Variants in HDAC9 observed in about 807,000 individuals in gnomAD.
HDAC9 encodes the protein MEF-2 interacting transcription repressor (MITR) protein.
In HDAC9, 41 loss-of-function variants were observed where a neutral mutation model predicts 139.4. The ratio of observed to expected loss-of-function variants is 0.29; its 90% CI spans 0.23 to 0.38. HDAC9 has a LOEUF of 0.38. Ranked by LOEUF, HDAC9 falls within the 10% of genes least tolerant of loss-of-function variation. HDAC9 has a pLI of 1.00. For missense variants in HDAC9, 1,147 were observed against 1,297.0 expected, an observed-to-expected ratio of 0.88 and a Z score of 1.78; for synonymous variants, 517 against 476.2, an observed-to-expected ratio of 1.09 and a Z score of -1.12.
intron 22 of HDAC9, among the ~76,000 whole-genome samples, chr7:18,887,737 ATTATT>A (rs1337222470): frequency 6.6e-6 from 1 of 152,184 alleles, no homozygotes; most frequent in Non-Finnish European, 1.5e-5. Context: ...GTTTAACATA[ATTATT>A]TTATATTTCT....
chr7:18,128,340 G>C (rs1784801016), intron 1 of HDAC9, among the ~76,000 whole-genome samples: 1 of 152,032 alleles, frequency 6.6e-6, no homozygotes, highest in Non-Finnish European at 1.5e-5. Flanking sequence ...GCTGCAATAA[G>C]AATGATAGTT....
intron 2 of HDAC9, among the ~76,000 whole-genome samples, chr7:18,166,552 A>AT (rs1379831146): frequency 6.6e-6 from 1 of 152,124 alleles, no homozygotes; most frequent in Non-Finnish European, 1.5e-5. Context: ...TGAAATATAA[A>AT]TTGTTATGGA....
At chr7:18,868,598 G>A (rs1235475487) in intron 21 of HDAC9, among the ~76,000 whole-genome samples, 2 of 152,050 alleles carry the variant, frequency 1.3e-5, no homozygotes, top group African/African-American at 4.8e-5. Context: ...TTTTTCTACA[G>A]TTCCTGGCTC....
intron 8 of HDAC9, among the ~76,000 whole-genome samples, chr7:18,636,633 G>A (rs1343256843): frequency 6.6e-6 from 1 of 151,980 alleles, no homozygotes; most frequent in Non-Finnish European, 1.5e-5. Context: ...ATGGTCTTCA[G>A]GTCCCGCATC....
chr7:18,359,541 A>G (rs1783605041), intron 1 of HDAC9, among the ~76,000 whole-genome samples: 1 of 152,164 alleles, frequency 6.6e-6, no homozygotes, highest in Admixed American at 6.5e-5. Flanking sequence ...CAAATAGTAC[A>G]ATGAACTTGC....
At chr7:18,786,454 T>TTTCC (rs56987209) in intron 16 of HDAC9, among the ~76,000 whole-genome samples, 14,954 of 51,952 alleles carry the variant, frequency 0.29, 1,574 homozygotes, top group South Asian at 0.37. Flanking sequence ...CCCATCGCCC[T>TTTCC]TTCCTTCCTT....
At chr7:18,364,387 T>C (rs1429258300) in intron 1 of HDAC9, among the ~76,000 whole-genome samples, 2 of 152,094 alleles carry the variant, frequency 1.3e-5, no homozygotes, top group South Asian at 4.2e-4. Flanking sequence ...ATTACTTGTA[T>C]TAACATTAGA....
At chr7:18,490,294 A>C in intron 1 of HDAC9, among the ~76,000 whole-genome samples, 1 of 152,014 alleles carries the variant, frequency 6.6e-6, no homozygotes, top group East Asian at 1.9e-4. Flanking sequence ...AATAAATTGC[A>C]CTTCTAGCAA....
chr7:18,791,287 T>G (rs959172217), intron 16 of HDAC9, among the ~76,000 whole-genome samples: 4 of 152,242 alleles, frequency 2.6e-5, no homozygotes, highest in African/African-American at 9.6e-5. Context: ...ATACATCTTT[T>G]GGAATTTATT....
chr7:18,813,878 T>C (rs1384773878), intron 17 of HDAC9, among the ~76,000 whole-genome samples: 1 of 152,232 alleles, frequency 6.6e-6, no homozygotes, highest in East Asian at 1.9e-4. Context: ...ACCTGTCAGC[T>C]AGTTGTCTGG....
chr7:18,233,923 T>G (rs986652761), intron 2 of HDAC9, among the ~76,000 whole-genome samples: 10 of 152,170 alleles, frequency 6.6e-5, no homozygotes, highest in African/African-American at 2.4e-4. Context: ...ACCAAGTTTT[T>G]TTTTTTCTTA....
rs555386420 is a variant in HDAC9, at chr7:18,230,769, A to G, written c.25+68420A>G. Among the ~76,000 whole-genome samples the G allele has an allele frequency of 4.6e-5, 7 of 152,342 alleles. No individual in the cohort carries two copies. The South Asian group carries it at 1.4e-3, about 32-fold the overall frequency. On this transcript the variant is annotated intron_variant, in intron 2 of 12. Transcript: ENST00000417496. Reference sequence around the variant, plus strand: ...CAAAACTCTTAAAAGTAGTTTTAAAAGTTGATTTTAAAAGCCTATCATCAA... The same window carrying G: ...CAAAACTCTTAAAAGTAGTTTTAAAGGTTGATTTTAAAAGCCTATCATCAA...
At chr7:18,937,378 A>AATT (rs1767611527) in intron 23 of HDAC9, among the ~76,000 whole-genome samples, 1 of 152,056 alleles carries the variant, frequency 6.6e-6, no homozygotes, top group South Asian at 2.1e-4. Context: ...CAAAGGATGT[A>AATT]ATTATCTAAT....
chr7:18,565,077 A>T (rs1821864465), intron 2 of HDAC9, among the ~76,000 whole-genome samples: 1 of 151,794 alleles, frequency 6.6e-6, no homozygotes, highest in Non-Finnish European at 1.5e-5. Context: ...GCTCACCGCA[A>T]CCTCTGCCTC....
At chr7:18,343,101 A>C (rs1362934106) in intron 1 of HDAC9, among the ~76,000 whole-genome samples, 1 of 151,766 alleles carries the variant, frequency 6.6e-6, no homozygotes, top group African/African-American at 2.4e-5. Flanking sequence ...CTCCTGTATA[A>C]AATCTCCTGT....
At chr7:18,470,026 G>A (rs2128118845) in intron 1 of HDAC9, among the ~76,000 whole-genome samples, 1 of 152,168 alleles carries the variant, frequency 6.6e-6, no homozygotes, top group Middle Eastern at 3.4e-3. Context: ...TCTAAGACAA[G>A]TATATATATT....
In HDAC9 at chr7:18,417,339, T is replaced by C. The variant is rs185471657; in HGVS notation, c.-41-78923T>C. ...TTTAAACATGTAATTACAGTTTCAA[T>C]AACTGTCTTAATATCTTTGTCTGCT... On this transcript the variant is annotated intron_variant, in intron 1 of 3. Transcript: ENST00000413509. 1.0e-3 allele frequency among the ~76,000 whole-genome samples: 153 copies of C among 152,350 alleles called. 1 individual carries two copies. Among genetic ancestry groups the C allele is most frequent in the African/African-American group, 3.5e-3 (145 of 41,588 alleles).
chr7:18,512,129 AAG>A (rs1801725050), intron 2 of HDAC9, among the ~76,000 whole-genome samples: 1 of 152,168 alleles, frequency 6.6e-6, no homozygotes, highest in African/African-American at 2.4e-5. Context: ...AGAGGGAAGT[AAG>A]TATTGTTGAC....
chr7:18,710,953 T>A (rs975735296), intron 12 of HDAC9, among the ~76,000 whole-genome samples: 1 of 152,210 alleles, frequency 6.6e-6, no homozygotes, highest in Non-Finnish European at 1.5e-5. Flanking sequence ...ACATTTCAAA[T>A]TTGCATACAA....
Sources: allele counts gnomAD v4.1 joint callset (sites outside exome capture counted in the v4.1 genomes callset), GRCh38; gene constraint gnomAD v4.1.1; transcripts MANE v1.5; gene names NCBI Gene and HGNC (gene_info 2026-07-23, HGNC 2026-07-21).